NHLRC2: variants seen among roughly 807,000 people sequenced by gnomAD.
NHLRC2 encodes the protein NHL repeat-containing protein 2.
NHLRC2 carries 33 observed loss-of-function variants against 68.1 expected under a neutral mutation model. That is an observed-to-expected ratio of 0.48 (90% confidence interval 0.37 to 0.65). NHLRC2 has a LOEUF of 0.65. Among genes scored for constraint, NHLRC2 ranks in the 30% least tolerant of loss-of-function variants. NHLRC2 has a pLI of 0.00. For synonymous variants in NHLRC2, 311 were observed against 309.6 expected, an observed-to-expected ratio of 1.00 and a Z score of -0.05; for missense variants, 761 against 853.8, an observed-to-expected ratio of 0.89 and a Z score of 1.35.
intron 5 of NHLRC2, among the ~76,000 whole-genome samples, chr10:113,893,719 C>T (rs1378847807): frequency 6.6e-6 from 1 of 152,082 alleles, no homozygotes; most frequent in Non-Finnish European, 1.5e-5. Flanking sequence ...AAGCTTTTGC[C>T]TTATTATAGT....
chr10:113,906,087 G>C (rs1846272870), intron 10 of NHLRC2, among the ~76,000 whole-genome samples: 1 of 152,200 alleles, frequency 6.6e-6, no homozygotes, highest in Non-Finnish European at 1.5e-5. Context: ...AAGTCTGGAA[G>C]TATTACATCA....
intron 2 of NHLRC2, among the ~76,000 whole-genome samples, chr10:113,863,826 C>T (rs1845838095): frequency 2.0e-5 from 3 of 152,146 alleles, no homozygotes; most frequent in Admixed American, 2.0e-4. Context: ...TATAAGAGTA[C>T]TATGAGCAAT....
chr10:113,877,833 G>A (rs1845998503), intron 3 of NHLRC2, among the ~76,000 whole-genome samples: 1 of 152,150 alleles, frequency 6.6e-6, no homozygotes, highest in South Asian at 2.1e-4. Context: ...CCAAGATACA[G>A]TATGTGTTGT....
Position 113,916,102 on chromosome 10 carries a change from G to A in NHLRC2, c.*7566G>A, listed in dbSNP as rs915925292. The A allele has an allele frequency of 2.6e-5, 4 of 152,134 alleles. No individual in the cohort carries two copies. Among genetic ancestry groups the A allele is most frequent in the African/African-American group, 9.7e-5 (4 of 41,430 alleles). The allele number at this position is 152,134 out of a possible 1,614,324, so 9.4% of individuals were successfully genotyped here. On this transcript the variant is annotated 3_prime_UTR_variant, in exon 11 of 11. Coordinates refer to ENST00000369301, the MANE Select transcript of NHLRC2 (RefSeq NM_198514.4). Reference sequence around the variant, plus strand: ...CAACTATCTTCTGTTTTTAGAATTTGTAGTCACTGTTCTTAGTGCCACTGG... The same window carrying A: ...CAACTATCTTCTGTTTTTAGAATTTATAGTCACTGTTCTTAGTGCCACTGG...
At chr10:113,860,272 A>C (rs546516366) in intron 2 of NHLRC2, among the ~76,000 whole-genome samples, 3 of 152,298 alleles carry the variant, frequency 2.0e-5, no homozygotes, top group African/African-American at 7.2e-5. Context: ...CCCCTGAAAG[A>C]CTATTTGGTG....
At chr10:113,892,063 G>T (rs2134725481) in intron 5 of NHLRC2, among the ~76,000 whole-genome samples, 1 of 152,272 alleles carries the variant, frequency 6.6e-6, no homozygotes. Flanking sequence ...TTCCCTAGTG[G>T]CTTAAGACTT....
In NHLRC2 at chr10:113,863,979, C is replaced by T. The variant is rs535851404; in HGVS notation, c.331+5299C>T. 4.7e-4 allele frequency among the ~76,000 whole-genome samples: 72 copies of T among 152,286 alleles called. 1 individual carries two copies. The highest frequency in any genetic ancestry group is 1.5e-3 in the African/African-American group (64 of 41,554). On this transcript the variant is annotated intron_variant, in intron 2 of 10. Coordinates refer to ENST00000369301, the MANE Select transcript of NHLRC2 (RefSeq NM_198514.4). ...ATTCTCAATAGCCAAGATTTAGAAA[C>T]AACCTAAGTGTCCATTGATGGATCG...
chr10:113,865,291 C>T (rs543983968), intron 2 of NHLRC2, among the ~76,000 whole-genome samples: 2 of 142,668 alleles, frequency 1.4e-5, no homozygotes, highest in Admixed American at 1.4e-4. Flanking sequence ...TCCCCCCCCC[C>T]CGTTCCTCTC....
chr10:113,902,179 G>A (rs1490354728), intron 7 of NHLRC2, among the ~76,000 whole-genome samples: 1 of 152,162 alleles, frequency 6.6e-6, no homozygotes, highest in Non-Finnish European at 1.5e-5. Context: ...ATGTAAATTA[G>A]ATATTGGGCA....
At chr10:113,883,802 A>G (rs968730153) in intron 4 of NHLRC2, among the ~76,000 whole-genome samples, 12 of 151,940 alleles carry the variant, frequency 7.9e-5, no homozygotes, top group African/African-American at 2.9e-4. Context: ...AGTTATGAGC[A>G]TGGCTGGATG....
intron 9 of NHLRC2, 61 bp from the exon 10 acceptor site, chr10:113,904,754 GCT>G (rs1335845129): frequency 5.9e-6 from 7 of 1,186,148 alleles, no homozygotes; most frequent in Non-Finnish European, 8.7e-6. Context: ...CTAAAAATAT[GCT>G]CTCATTCTAT....
rs1845799223 is a variant in NHLRC2 at position 113,859,820 on chromosome 10, C to G, written c.331+1140C>G. ...ATGGAACCTAAGGAAAGGAATAAGTCACTTTGCCTAGAAACATTGGAAAAG... is the reference window on the plus strand; with the variant it reads ...ATGGAACCTAAGGAAAGGAATAAGTGACTTTGCCTAGAAACATTGGAAAAG... On this transcript the variant is annotated intron_variant, in intron 2 of 10. Transcript: ENST00000369301. Among the ~76,000 whole-genome samples, 4 of 152,256 alleles carry G rather than the reference C, an allele frequency of 2.6e-5. No homozygotes were observed. The South Asian group carries it at 8.3e-4, about 32-fold the overall frequency.
intron 5 of NHLRC2, among the ~76,000 whole-genome samples, chr10:113,894,065 A>G (rs1846156238): frequency 1.3e-5 from 2 of 152,202 alleles, no homozygotes; most frequent in African/African-American, 4.8e-5. Flanking sequence ...AGAAGTGGTC[A>G]GATTTTGAAT....
Position 113,900,808 on chromosome 10 carries a change from A to G in NHLRC2, c.1140-858A>G, listed in dbSNP as rs78603503. ...TCCCTACCTAACTTATTATGGGAAC[A>G]TATTAGCCAGTAAGTGATGGTGAGT... is the stretch of plus-strand genomic sequence containing the variant. On this transcript the variant is annotated intron_variant, in intron 6 of 10. Coordinates refer to ENST00000369301, the MANE Select transcript of NHLRC2 (RefSeq NM_198514.4). Among the ~76,000 whole-genome samples the G allele has an allele frequency of 3.9e-3, 590 of 152,292 alleles. 9 individuals carry two copies. The highest frequency in any genetic ancestry group is 0.014 in the African/African-American group (562 of 41,556).
chr10:113,892,963 C>T (rs890478016), intron 5 of NHLRC2, among the ~76,000 whole-genome samples: 5 of 152,116 alleles, frequency 3.3e-5, no homozygotes, highest in African/African-American at 1.2e-4. Context: ...ATATAATATA[C>T]ATGTTTGCTA....
At chr10:113,879,485 A>C in intron 3 of NHLRC2, 89 bp from the exon 4 acceptor site, 1 of 1,160,422 alleles carries the variant, frequency 8.6e-7, no homozygotes, top group Non-Finnish European at 1.2e-6. Context: ...TTTTATATTA[A>C]AATCCCAGCA....
At chr10:113,878,097 A>G (rs529799432) in intron 3 of NHLRC2, among the ~76,000 whole-genome samples, 26 of 152,302 alleles carry the variant, frequency 1.7e-4, no homozygotes, top group Non-Finnish European at 2.8e-4. Context: ...TTATTCTTTA[A>G]TTTTTAAAAA....
chr10:113,884,400 T>G lies in NHLRC2; in HGVS notation c.1039+20T>G. 6.3e-7 allele frequency: 1 copy of G among 1,596,142 alleles called. No homozygotes were observed. The highest frequency in any genetic ancestry group is 8.6e-7 in the Non-Finnish European group (1 of 1,167,724). On this transcript the variant is annotated intron_variant, in intron 5 of 10. Coordinates refer to ENST00000369301, the MANE Select transcript of NHLRC2 (RefSeq NM_198514.4). Reference sequence around the variant, plus strand: ...CATCAGGTATGTGAACTTTTGATATTAAATGTAAAGGTAAATTTTACTTCA... The same window carrying G: ...CATCAGGTATGTGAACTTTTGATATGAAATGTAAAGGTAAATTTTACTTCA...
chr10:113,885,702 A>AT (rs1317180612), intron 5 of NHLRC2, among the ~76,000 whole-genome samples: 2 of 152,062 alleles, frequency 1.3e-5, no homozygotes, highest in African/African-American at 2.4e-5. Context: ...ATTTTGAGTG[A>AT]TAAAAGAAAG....
Sources: allele counts gnomAD v4.1 joint callset (sites outside exome capture counted in the v4.1 genomes callset), GRCh38; gene constraint gnomAD v4.1.1; transcripts MANE v1.5; gene names NCBI Gene and HGNC (gene_info 2026-07-23, HGNC 2026-07-21).